The following MIS18A variants were observed in gnomAD, a reference collection of about 807,000 sequenced individuals.
The protein encoded by MIS18A is MIS18 kinetochore protein A.
Under a neutral mutation model 25.0 loss-of-function variants are expected in MIS18A, and 14 were observed. That is an observed-to-expected ratio of 0.56 (90% CI 0.37 to 0.88). MIS18A has a LOEUF of 0.88. Among genes scored for constraint, MIS18A ranks in the 40% least tolerant of loss-of-function variants. The pLI, the probability that MIS18A is intolerant of heterozygous loss-of-function variation, is 0.00. For synonymous variants in MIS18A, 134 were observed against 118.6 expected, an observed-to-expected ratio of 1.13 and a Z score of -0.84; for missense variants, 292 against 290.8, an observed-to-expected ratio of 1.00 and a Z score of -0.03.
chr21:32,257,711 G>C, the MIS18A span, among the ~76,000 whole-genome samples: 1 of 152,154 alleles, frequency 6.6e-6, no homozygotes, highest in Non-Finnish European at 1.5e-5. Flanking sequence ...CTGGGAGATG[G>C]ACGCCAGGGA....
the MIS18A span, among the ~76,000 whole-genome samples, chr21:32,224,918 T>C: frequency 7.4e-6 from 1 of 135,584 alleles, no homozygotes; most frequent in African/African-American, 2.8e-5. Context: ...ATGGTACTGG[T>C]ACCAAAACAG....
chr21:32,269,207 G>A (rs2031668532), intron 4 of MIS18A, 90 bp from the exon 5 acceptor site: 1 of 947,936 alleles, frequency 1.1e-6, no homozygotes, highest in African/African-American at 1.7e-5. Flanking sequence ...TACACTTAAT[G>A]CAATTTTGGA....
At chr21:32,187,992 G>A in the MIS18A span, among the ~76,000 whole-genome samples, 1 of 117,848 alleles carries the variant, frequency 8.5e-6, no homozygotes, top group African/African-American at 4.0e-5. Flanking sequence ...AGACCAAAGA[G>A]CTCCCTTTCT....
At chr21:32,205,383 G>A in the MIS18A span, among the ~76,000 whole-genome samples, 1 of 152,018 alleles carries the variant, frequency 6.6e-6, no homozygotes, top group East Asian at 1.9e-4. Flanking sequence ...GACTACAGGC[G>A]AATTCATCCT....
At chr21:32,185,971 C>T in the MIS18A span, among the ~76,000 whole-genome samples, 2 of 152,150 alleles carry the variant, frequency 1.3e-5, no homozygotes, top group African/African-American at 4.8e-5. Flanking sequence ...GGTTCATTCC[C>T]TTCAGCCTCA....
chr21:32,206,593 A>G, the MIS18A span, among the ~76,000 whole-genome samples: 1 of 152,184 alleles, frequency 6.6e-6, no homozygotes, highest in Admixed American at 6.5e-5. Flanking sequence ...TAACATTTAC[A>G]TGGTTGTAAT....
At chr21:32,228,256 T>G in the MIS18A span, among the ~76,000 whole-genome samples, 1 of 152,120 alleles carries the variant, frequency 6.6e-6, no homozygotes, top group Non-Finnish European at 1.5e-5. Flanking sequence ...ACCTGGCTAA[T>G]TTTTGTATTT....
rs185267402 is a variant in MIS18A, at chr21:32,273,664, G to C, written c.401+1166C>G. Among the ~76,000 whole-genome samples the C allele has an allele frequency of 1.3e-3, 205 of 152,296 alleles. 2 individuals carry two copies. The highest frequency in any genetic ancestry group is 1.4e-4 in the African/African-American group (6 of 41,574). On this transcript the variant is annotated intron_variant, in intron 2 of 4. Coordinates refer to ENST00000290130, the MANE Select transcript of MIS18A (RefSeq NM_018944.3). ...ATAAGTTGAAATGGTAGCTCCTAAT[G>C]TGATGGTATTGGGAGGAGGGGTCAT...
At chr21:32,167,067 A>AC in the MIS18A span, among the ~76,000 whole-genome samples, 1 of 152,200 alleles carries the variant, frequency 6.6e-6, no homozygotes, top group Non-Finnish European at 1.5e-5. Flanking sequence ...AAGAAAAAAA[A>AC]TTTAAAGAAA....
the MIS18A span, among the ~76,000 whole-genome samples, chr21:32,188,803 C>G: frequency 6.6e-6 from 1 of 152,084 alleles, no homozygotes; most frequent in East Asian, 1.9e-4. Flanking sequence ...GGGGTGTCCA[C>G]TGGACAAACA....
chr21:32,182,236 T>C, the MIS18A span, among the ~76,000 whole-genome samples: 3 of 152,234 alleles, frequency 2.0e-5, no homozygotes, highest in Non-Finnish European at 4.4e-5. Flanking sequence ...AACAGTGAAC[T>C]GTGATCCATT....
At chr21:32,170,441 A>G in the MIS18A span, among the ~76,000 whole-genome samples, 1 of 152,192 alleles carries the variant, frequency 6.6e-6, no homozygotes, top group Non-Finnish European at 1.5e-5. Flanking sequence ...TTATATTTAT[A>G]TAGAAAATAT....
chr21:32,166,238 T>C, the MIS18A span, among the ~76,000 whole-genome samples: 9,665 of 152,290 alleles, frequency 0.063, 422 homozygotes, highest in South Asian at 0.096. Context: ...AAGTTCAATG[T>C]AGGCAAAAAT....
chr21:32,180,538 T>A, the MIS18A span, among the ~76,000 whole-genome samples: 1 of 152,230 alleles, frequency 6.6e-6, no homozygotes, highest in Non-Finnish European at 1.5e-5. Flanking sequence ...ACAGCTGCAA[T>A]ACACGTTCTT....
At chr21:32,254,277 C>T in the MIS18A span, among the ~76,000 whole-genome samples, 1 of 151,964 alleles carries the variant, frequency 6.6e-6, no homozygotes, top group African/African-American at 2.4e-5. Flanking sequence ...TGGTGGCTCA[C>T]GCCTGTAATC....
At chr21:32,246,769 C>T in the MIS18A span, among the ~76,000 whole-genome samples, 1 of 152,178 alleles carries the variant, frequency 6.6e-6, no homozygotes, top group African/African-American at 2.4e-5. Context: ...GCAGCAATCC[C>T]AGCTCTGCCA....
At chr21:32,180,431 C>G in the MIS18A span, among the ~76,000 whole-genome samples, 3 of 152,200 alleles carry the variant, frequency 2.0e-5, no homozygotes, top group Non-Finnish European at 4.4e-5. Context: ...GTTGACCATC[C>G]TTTTCCCTTC....
At chr21:32,185,355 G>C in the MIS18A span, among the ~76,000 whole-genome samples, 1 of 152,250 alleles carries the variant, frequency 6.6e-6, no homozygotes, top group South Asian at 2.1e-4. Context: ...TTTACCCTGG[G>C]AGCTGAGCAG....
At position 32,268,991 on chromosome 21, in the gene MIS18A, T is replaced by C; in HGVS notation, c.*46A>G. The C allele has an allele frequency of 7.6e-7, 1 of 1,318,274 alleles. No individual in the cohort carries two copies. Among genetic ancestry groups the C allele is most frequent in the South Asian group, 1.4e-5 (1 of 69,014 alleles). The allele number at this position is 1,318,274 out of a possible 1,614,324, so 81.7% of individuals were successfully genotyped here. Reference sequence around the variant, plus strand: ...TCACTATGTTGCTTCATTTAACAAATAAGGGGAGGAAGGGCGGGGGCAGAA... The same window carrying C: ...TCACTATGTTGCTTCATTTAACAAACAAGGGGAGGAAGGGCGGGGGCAGAA... On this transcript the variant is annotated 3_prime_UTR_variant, in exon 5 of 5. Coordinates refer to ENST00000290130, the MANE Select transcript of MIS18A (RefSeq NM_018944.3).
Sources: allele counts gnomAD v4.1 joint callset (sites outside exome capture counted in the v4.1 genomes callset), GRCh38; gene constraint gnomAD v4.1.1; transcripts MANE v1.5; gene names NCBI Gene and HGNC (gene_info 2026-07-23, HGNC 2026-07-21).